GPM6B: variants seen among roughly 807,000 people sequenced by gnomAD.
GPM6B encodes the protein glycoprotein M6B.
GPM6B carries 4 observed loss-of-function variants against 27.2 expected under a neutral mutation model. The ratio of observed to expected loss-of-function variants is 0.15; its 90% CI spans 0.07 to 0.34. The LOEUF is 0.34. GPM6B is among the 10% of genes least tolerant of loss of function. The pLI is 1.00. For missense variants in GPM6B, 183 were observed against 261.9 expected, an observed-to-expected ratio of 0.70 and a Z score of 2.08; for synonymous variants, 124 against 103.1, an observed-to-expected ratio of 1.20 and a Z score of -1.23.
chrX:13,879,270 C>T (rs12007184), intron 1 of GPM6B, among the ~76,000 whole-genome samples: 1,985 of 111,994 alleles, frequency 0.018, 54 homozygotes, highest in African/African-American at 0.061. Flanking sequence ...TCATAACTTA[C>T]GGTGAAGATC....
chrX:13,787,944 T>G (rs1320776355), intron 2 of GPM6B, among the ~76,000 whole-genome samples: 1 of 112,348 alleles, frequency 8.9e-6, no homozygotes, highest in African/African-American at 3.2e-5. Flanking sequence ...CTTGGGGCTG[T>G]GTGGTCCAAA....
chrX:13,830,584 C>T lies in GPM6B; in HGVS notation c.-197-44776G>A, dbSNP rs568694234. Among the ~76,000 whole-genome samples, 10 of 112,010 alleles carry T rather than the reference C, an allele frequency of 8.9e-5. 1 individual carries two copies. In the East Asian group the frequency reaches 1.4e-3, roughly 16 times the overall value. On this transcript the variant is annotated intron_variant, in intron 1 of 6. Transcript: ENST00000398361. ...GTGCAGCATTTCCACTGTTCTAGTT[C>T]GTATAAAATACACGTATGTACTAGC...
At chrX:13,920,763 C>T (rs1017978240) in intron 1 of GPM6B, among the ~76,000 whole-genome samples, 51 of 109,123 alleles carry the variant, frequency 4.7e-4, no homozygotes, top group Middle Eastern at 9.3e-3. Flanking sequence ...TGGTGGCGGG[C>T]GCCTGCAGTC....
At chrX:13,884,964 G>A (rs936484637) in intron 1 of GPM6B, among the ~76,000 whole-genome samples, 2 of 111,788 alleles carry the variant, frequency 1.8e-5, no homozygotes, top group East Asian at 2.8e-4. Flanking sequence ...ATTTATAGGA[G>A]AGAAAACGAA....
intron 1 of GPM6B, among the ~76,000 whole-genome samples, chrX:13,935,148 C>G (rs1402038435): frequency 1.8e-5 from 2 of 110,985 alleles, no homozygotes; most frequent in Non-Finnish European, 3.8e-5. Context: ...TGGGTTGAAA[C>G]AATTATTTCA....
intron 2 of GPM6B, among the ~76,000 whole-genome samples, chrX:13,792,191 C>T (rs2048725326): frequency 9.0e-6 from 1 of 111,328 alleles, no homozygotes; most frequent in African/African-American, 3.3e-5. Context: ...GGACATTTGG[C>T]AATATCTGGA....
chrX:13,816,626 T>C (rs903552633), intron 1 of GPM6B, among the ~76,000 whole-genome samples: 3 of 111,160 alleles, frequency 2.7e-5, no homozygotes, highest in Non-Finnish European at 3.8e-5. Flanking sequence ...CTATGAAATA[T>C]CACGTCGGTA....
intron 1 of GPM6B, among the ~76,000 whole-genome samples, chrX:13,909,254 G>A (rs1435424834): frequency 2.8e-5 from 3 of 106,987 alleles, no homozygotes; most frequent in African/African-American, 1.0e-4. Flanking sequence ...CTCCTGAGTA[G>A]CTGGGATTAC....
At chrX:13,812,524 G>GA (rs760471115) in intron 1 of GPM6B, among the ~76,000 whole-genome samples, 2 of 111,596 alleles carry the variant, frequency 1.8e-5, no homozygotes, top group African/African-American at 6.5e-5. Context: ...GTCCAAAGGA[G>GA]AAAAAAGCGA....
At chrX:13,879,984 C>T (rs1270894577) in intron 1 of GPM6B, among the ~76,000 whole-genome samples, 2 of 112,051 alleles carry the variant, frequency 1.8e-5, no homozygotes, top group Non-Finnish European at 3.8e-5. Context: ...GAATCAGAGC[C>T]TGCCTTTTGT....
upstream of GPM6B, among the ~76,000 whole-genome samples, chrX:13,820,725 C>T (rs982891065): frequency 8.9e-6 from 1 of 111,792 alleles, no homozygotes; most frequent in African/African-American, 3.3e-5. Context: ...TTGTTCATCA[C>T]TTCCCATCCT....
In GPM6B at chrX:13,892,088, T is replaced by C. The variant is rs145757075; in HGVS notation, c.-198+46239A>G. ...ATTGTGTACCTAAGAAGCATTTCATTTCAGGGCCAGAAAAATGAACATTTG... is the reference window on the plus strand; with the variant it reads ...ATTGTGTACCTAAGAAGCATTTCATCTCAGGGCCAGAAAAATGAACATTTG... On this transcript the variant is annotated intron_variant, in intron 1 of 6. Coordinates refer to the GPM6B transcript ENST00000398361. 5.1e-4 allele frequency among the ~76,000 whole-genome samples: 57 copies of C among 111,757 alleles called. No homozygotes were observed. In the East Asian group the frequency reaches 0.013, roughly 26 times the overall value.
chrX:13,814,964 TTA>T (rs970368054), intron 1 of GPM6B, among the ~76,000 whole-genome samples: 4 of 112,341 alleles, frequency 3.6e-5, no homozygotes, highest in African/African-American at 1.3e-4. Flanking sequence ...CCTTCACAAA[TTA>T]TCTTTTGCTT....
At chrX:13,811,634 T>C (rs2049132533) in intron 1 of GPM6B, among the ~76,000 whole-genome samples, 1 of 112,123 alleles carries the variant, frequency 8.9e-6, no homozygotes, top group Admixed American at 9.5e-5. Flanking sequence ...AGTGGCAGAT[T>C]TGAATAGTTA....
Position 13,812,044 on chromosome X carries a change from C to CTTTTTT in GPM6B, c.62-4276_62-4275insAAAAAA, listed in dbSNP as rs752162419. Among the ~76,000 whole-genome samples the CTTTTTT allele has an allele frequency of 7.6e-3, 626 of 82,493 alleles. 23 individuals carry two copies. Among genetic ancestry groups the CTTTTTT allele is most frequent in the Non-Finnish European group, 8.9e-3 (392 of 43,852 alleles). The allele number at this position is 82,493 out of a possible 115,157, so 71.6% of individuals were successfully genotyped here. Reference sequence around the variant, plus strand: ...TTTCAAAGGAGAACACTTTTCTTTTCTTTCTTTTTTTTTTTTTTTTTTTGA... The same window carrying CTTTTTT: ...TTTCAAAGGAGAACACTTTTCTTTTCTTTTTTTTTCTTTTTTTTTTTTTTTTTTTGA... On this transcript the variant is annotated intron_variant, in intron 1 of 7. Transcript: ENST00000316715.
At chrX:13,843,364 T>C (rs1227274994) in intron 1 of GPM6B, among the ~76,000 whole-genome samples, 1 of 112,557 alleles carries the variant, frequency 8.9e-6, no homozygotes, top group Non-Finnish European at 1.9e-5. Context: ...TTTGAGTTGT[T>C]TCCACCTGTT....
At chrX:13,832,778 A>G (rs1184689734) in intron 1 of GPM6B, among the ~76,000 whole-genome samples, 1 of 112,071 alleles carries the variant, frequency 8.9e-6, no homozygotes, top group East Asian at 2.8e-4. Context: ...ATTGAAAAGC[A>G]TTGGGACAAC....
intron 1 of GPM6B, among the ~76,000 whole-genome samples, chrX:13,885,784 C>G (rs2147021061): frequency 9.0e-6 from 1 of 111,579 alleles, no homozygotes; most frequent in East Asian, 2.8e-4. Flanking sequence ...CTATGAAGTA[C>G]AGTCAAGGCA....
At chrX:13,781,465 A>G (rs982856335) in intron 4 of GPM6B, among the ~76,000 whole-genome samples, 1 of 112,170 alleles carries the variant, frequency 8.9e-6, no homozygotes, top group Non-Finnish European at 1.9e-5. Context: ...CCTCGTGGAC[A>G]AAGGACAGAG....
Sources: allele counts gnomAD v4.1 joint callset (sites outside exome capture counted in the v4.1 genomes callset), GRCh38; gene constraint gnomAD v4.1.1; transcripts MANE v1.5; gene names NCBI Gene and HGNC (gene_info 2026-07-23, HGNC 2026-07-21).